Variants in STK3 observed in about 807,000 individuals in gnomAD.
The protein encoded by STK3 is serine/threonine kinase 3, also known as serine/threonine-protein kinase 3.
In STK3, 41 loss-of-function variants were observed where a neutral mutation model predicts 58.0. The observed-to-expected ratio is 0.71, with a 90% confidence interval of 0.55 to 0.92. The LOEUF is 0.92. Among genes scored for constraint, STK3 ranks in the 40% least tolerant of loss-of-function variants. STK3 has a pLI of 0.00. For synonymous variants in STK3, 170 were observed against 191.0 expected, an observed-to-expected ratio of 0.89 and a Z score of 0.91; for missense variants, 479 against 602.7, an observed-to-expected ratio of 0.79 and a Z score of 2.15.
At chr8:98,520,460 A>G (rs1263910762) in intron 10 of STK3, among the ~76,000 whole-genome samples, 2 of 152,094 alleles carry the variant, frequency 1.3e-5, no homozygotes, top group Admixed American at 1.3e-4. Flanking sequence ...TACCCTGCAC[A>G]TCTGTCTAGC....
At chr8:98,930,964 C>T (rs1839983792) in intron 1 of STK3, among the ~76,000 whole-genome samples, 1 of 152,214 alleles carries the variant, frequency 6.6e-6, no homozygotes, top group South Asian at 2.1e-4. Context: ...GCTGACCCTA[C>T]AAGCTTCTGT....
At chr8:98,440,039 C>T (rs1018100685) in intron 1 of STK3, among the ~76,000 whole-genome samples, 2 of 152,176 alleles carry the variant, frequency 1.3e-5, no homozygotes, top group Admixed American at 1.3e-4. Flanking sequence ...GGAGGATGTG[C>T]GTACTGATTC....
At chr8:98,893,463 AAAG>A in intron 1 of STK3, among the ~76,000 whole-genome samples, 1 of 107,130 alleles carries the variant, frequency 9.3e-6, no homozygotes, top group African/African-American at 4.3e-5. Context: ...AGAAAGAAAG[AAAG>A]AAAGAAAGAA....
intron 10 of STK3, among the ~76,000 whole-genome samples, chr8:98,461,057 G>A (rs780924788): frequency 2.0e-5 from 3 of 152,114 alleles, no homozygotes; most frequent in East Asian, 1.9e-4. Context: ...TTTCTGCCTC[G>A]ATGATCTGTC....
intron 6 of STK3, among the ~76,000 whole-genome samples, chr8:98,610,116 A>G (rs1479580242): frequency 6.6e-6 from 1 of 152,158 alleles, no homozygotes; most frequent in Non-Finnish European, 1.5e-5. Context: ...AATGAATCAG[A>G]GCTTCAAAAG....
intron 6 of STK3, among the ~76,000 whole-genome samples, chr8:98,694,267 G>C (rs1457019379): frequency 6.6e-6 from 1 of 152,182 alleles, no homozygotes; most frequent in African/African-American, 2.4e-5. Context: ...GACTCCTTAT[G>C]TTTGAAAATA....
intron 6 of STK3, among the ~76,000 whole-genome samples, chr8:98,675,076 C>G (rs944143631): frequency 6.6e-6 from 1 of 152,124 alleles, no homozygotes; most frequent in Non-Finnish European, 1.5e-5. Context: ...AGGTCAAGCT[C>G]CTTAAAACAG....
the STK3 span, among the ~76,000 whole-genome samples, chr8:98,362,558 T>A: frequency 5.3e-5 from 8 of 152,248 alleles, no homozygotes; most frequent in East Asian, 1.4e-3. Flanking sequence ...TTCCCTGAAG[T>A]CAAATCTGCA....
intron 1 of STK3, among the ~76,000 whole-genome samples, chr8:98,788,913 T>A (rs1342408051): frequency 6.6e-6 from 1 of 152,164 alleles, no homozygotes; most frequent in African/African-American, 2.4e-5. Flanking sequence ...ACAAATGGAC[T>A]TAACAGATTA....
At chr8:98,629,469 C>A (rs984724587) in intron 6 of STK3, among the ~76,000 whole-genome samples, 3 of 152,130 alleles carry the variant, frequency 2.0e-5, no homozygotes, top group East Asian at 1.9e-4. Context: ...ATATGGGGAA[C>A]CCTAAACACT....
chr8:98,469,418 C>G (rs1029036173), intron 10 of STK3, among the ~76,000 whole-genome samples: 24 of 152,196 alleles, frequency 1.6e-4, no homozygotes, highest in African/African-American at 5.3e-4. Context: ...AGCGCTGGGG[C>G]TGGACCAAGC....
rs545336797 is a variant in STK3 at position 98,789,760 on chromosome 8, T to C, written c.27-14941A>G. On this transcript the variant is annotated intron_variant, in intron 1 of 10. Coordinates refer to ENST00000419617, the MANE Select transcript of STK3 (RefSeq NM_006281.4). ...GCAAGCAGCAAGATTGAAATGATAATTTAAAAATTACAAACAAGGCACCTG... is the reference window on the plus strand; with the variant it reads ...GCAAGCAGCAAGATTGAAATGATAACTTAAAAATTACAAACAAGGCACCTG... Among the ~76,000 whole-genome samples, 12 of 152,140 alleles carry C rather than the reference T, an allele frequency of 7.9e-5. 1 individual carries two copies. In the East Asian group the frequency reaches 1.7e-3, roughly 22 times the overall value.
chr8:98,360,377 G>A, the STK3 span, among the ~76,000 whole-genome samples: 1 of 152,140 alleles, frequency 6.6e-6, no homozygotes, highest in Non-Finnish European at 1.5e-5. Context: ...CCACAAAGGT[G>A]GGACCTTCTT....
At chr8:98,719,024 C>T (rs966432897) in intron 4 of STK3, among the ~76,000 whole-genome samples, 2 of 151,992 alleles carry the variant, frequency 1.3e-5, no homozygotes, top group African/African-American at 4.8e-5. Flanking sequence ...ACAGACTTGT[C>T]GATACAAAAA....
At chr8:98,622,219 A>G (rs1212542004) in intron 6 of STK3, among the ~76,000 whole-genome samples, 2 of 151,666 alleles carry the variant, frequency 1.3e-5, no homozygotes, top group Non-Finnish European at 2.9e-5. Context: ...CAGTGAGCTG[A>G]GATTGCGCCA....
intron 8 of STK3, among the ~76,000 whole-genome samples, chr8:98,576,685 T>A (rs1341311900): frequency 6.6e-6 from 1 of 152,220 alleles, no homozygotes; most frequent in Non-Finnish European, 1.5e-5. Flanking sequence ...CCTTTTTACA[T>A]TTTTCATTGC....
rs35146514 is a variant in STK3 at position 98,404,679 on chromosome 8, C to CAAA, written n.484-3169_484-3167dup. Among the ~76,000 whole-genome samples the CAAA allele has an allele frequency of 7.4e-3, 706 of 94,944 alleles. 11 individuals carry two copies. Among genetic ancestry groups the CAAA allele is most frequent in the Middle Eastern group, 0.018 (3 of 168 alleles). The allele number at this position is 94,944 out of a possible 152,430, so 62.3% of individuals were successfully genotyped here. A position where few individuals can be genotyped will look rare whatever the true frequency, so the allele number is the denominator to read the frequency against. On this transcript the variant is annotated intron_variant and non_coding_transcript_variant, in intron 3 of 3. Coordinates refer to the STK3 transcript ENST00000517832. ...TGGGTGAAAGAGCAAGTCTCTGTCT[C>CAAA]AAAAAAAAAAAAAAAAAAAAATTTA...
At chr8:98,503,988 C>T (rs1264444114) in intron 10 of STK3, among the ~76,000 whole-genome samples, 1 of 152,018 alleles carries the variant, frequency 6.6e-6, no homozygotes, top group East Asian at 1.9e-4. Context: ...CAGTGGGGTG[C>T]TAAAGTCTCC....
chr8:98,465,035 G>GA, intron 10 of STK3, among the ~76,000 whole-genome samples: 1 of 152,156 alleles, frequency 6.6e-6, no homozygotes, highest in Non-Finnish European at 1.5e-5. Flanking sequence ...CATTCCCAAA[G>GA]AAAAGGAAGA....
Sources: allele counts gnomAD v4.1 joint callset (sites outside exome capture counted in the v4.1 genomes callset), GRCh38; gene constraint gnomAD v4.1.1; transcripts MANE v1.5; gene names NCBI Gene and HGNC (gene_info 2026-07-23, HGNC 2026-07-21).